Variants in SLC27A5 observed in about 807,000 individuals in gnomAD.
SLC27A5 encodes solute carrier family 27 member 5.
A neutral mutation model predicts 63.1 loss-of-function variants in SLC27A5; 47 were observed. That is an observed-to-expected ratio of 0.74 (90% confidence interval 0.59 to 0.95). SLC27A5 has a LOEUF of 0.95. SLC27A5 is among the 40% of genes least tolerant of loss of function. The pLI is 0.00. For missense variants in SLC27A5, 940 were observed against 921.0 expected (o/e 1.02, Z -0.27); for synonymous variants, 391 against 403.8 (o/e 0.97, Z 0.38).
rs993447082 is a variant in SLC27A5 at position 58,511,310 on chromosome 19, A to T, written c.646T>A (p.Ser216Thr). 2 of 1,584,324 alleles carry T rather than the reference A, an allele frequency of 1.3e-6. No homozygotes were observed. Among genetic ancestry groups the T allele is most frequent in the Non-Finnish European group, 1.7e-6 (2 of 1,160,438 alleles). Residue 216 changes from serine (S) to threonine (T), a missense_variant, in exon 1 of 10, where the codon TCT becomes ACT. By Grantham distance (58) the Ser-to-Thr change is moderately conservative. Transcript: ENST00000263093. ...PHGRGMPLAH[S>T]VLSSGARVLV... ...ACCCGGGCCCCAGAGCTCAGCACAGAGTGCGCCAGGGGCATCCCCCGGCCA... is the reference window on the plus strand; with the variant it reads ...ACCCGGGCCCCAGAGCTCAGCACAGTGTGCGCCAGGGGCATCCCCCGGCCA...
chr19:58,500,543 C>T lies in SLC27A5; in HGVS notation c.1346G>A (p.Gly449Glu), dbSNP rs755049248. The T allele has an allele frequency of 1.2e-6, 2 of 1,614,084 alleles. No individual in the cohort carries two copies. The highest frequency in any genetic ancestry group is 2.2e-5 in the South Asian group (2 of 91,086). The change falls in exon 5 of 10, where the codon GGG becomes GAG. Residue 449 changes from glycine to glutamate, a missense_variant. By Grantham distance (98) the Gly-to-Glu change is moderately conservative. Transcript: ENST00000263093. ...MGLVNYVGRC[G>E]ALGKMSCLLR... Reference sequence around the variant, plus strand: ...GAGGCAGCTCATCTTGCCCAGGGCCCCGCAGCGCCCCACATAGTTGACTAA... The same window carrying T: ...GAGGCAGCTCATCTTGCCCAGGGCCTCGCAGCGCCCCACATAGTTGACTAA...
In SLC27A5 at chr19:58,499,673, G is replaced by C. The variant is rs2053251641; in HGVS notation, c.1486C>G (p.Leu496Val). 2.5e-6 allele frequency: 4 copies of C among 1,611,892 alleles called. No homozygotes were observed. Among genetic ancestry groups the C allele is most frequent in the Non-Finnish European group, 3.4e-6 (4 of 1,179,988 alleles). Reference sequence around the variant, plus strand: ...GGTTGCTGGCTTACCACCTTGGTCAGCAGCAGCCCCGGCTCCCCTGGGGTA... The same window carrying C: ...GGTTGCTGGCTTACCACCTTGGTCACCAGCAGCCCCGGCTCCCCTGGGGTA... ...PVGLGEPGLLLTKVVSQQPFV... is the reference protein window; with the variant it reads ...PVGLGEPGLLVTKVVSQQPFV... The change falls in exon 7 of 10, where the codon CTG becomes GTG. Residue 496 changes from leucine to valine, a missense_variant. Transcript: ENST00000263093.
chr19:58,500,765 C>T lies in SLC27A5; in HGVS notation c.1183-59G>A, dbSNP rs192439507. 1.5e-5 allele frequency: 23 copies of T among 1,583,626 alleles called. No individual in the cohort carries two copies. The East Asian group carries it at 5.0e-4, about 34-fold the overall frequency. On this transcript the variant is annotated intron_variant, in intron 4 of 9. Coordinates refer to ENST00000263093, the MANE Select transcript of SLC27A5 (RefSeq NM_012254.3). Reference sequence around the variant, plus strand: ...GTGCTCTTGGGGCATGCCTTGGAACCTTTACCTAGAGGGGGTGTTATCCTG... The same window carrying T: ...GTGCTCTTGGGGCATGCCTTGGAACTTTTACCTAGAGGGGGTGTTATCCTG...
At chr19:58,503,896 T>G (rs2053312406) in intron 3 of SLC27A5, among the ~76,000 whole-genome samples, 1 of 152,184 alleles carries the variant, frequency 6.6e-6, no homozygotes, top group Non-Finnish European at 1.5e-5. Context: ...TCAGATCACT[T>G]GAGGCCAGAA....
intron 3 of SLC27A5, among the ~76,000 whole-genome samples, chr19:58,506,150 C>T (rs560057996): frequency 6.6e-6 from 1 of 151,698 alleles, no homozygotes; most frequent in Admixed American, 6.6e-5. Flanking sequence ...TGGTGTTGAA[C>T]TCCTGGGCTC....
Position 58,501,421 on chromosome 19 carries a change from A to G in SLC27A5, c.1058-11T>C. 1 of 1,612,156 alleles carries G rather than the reference A, an allele frequency of 6.2e-7. No homozygotes were observed. Among genetic ancestry groups the G allele is most frequent in the Non-Finnish European group, 8.5e-7 (1 of 1,178,920 alleles). ...GAACACAGGTGGCTCCTGGGAGATGACAGGAGAGGGGGTTTCAGGTCATGC... is the reference window on the plus strand; with the variant it reads ...GAACACAGGTGGCTCCTGGGAGATGGCAGGAGAGGGGGTTTCAGGTCATGC... On this transcript the variant is annotated splice_polypyrimidine_tract_variant and intron_variant, in intron 3 of 9. Coordinates refer to ENST00000263093, the MANE Select transcript of SLC27A5 (RefSeq NM_012254.3).
At chr19:58,501,520 A>C (rs917005935) in intron 3 of SLC27A5, 110 bp from the exon 4 acceptor site, 36 of 1,218,922 alleles carry the variant, frequency 3.0e-5, no homozygotes, top group Non-Finnish European at 4.0e-5. Context: ...ACAGGACAAT[A>C]CTGAGTTCAT....
At chr19:58,502,498 GTTAC>G (rs61220977) in intron 3 of SLC27A5, among the ~76,000 whole-genome samples, 9 of 46,766 alleles carry the variant, frequency 1.9e-4, no homozygotes, top group South Asian at 8.9e-4. Context: ...TGGGTGAACA[GTTAC>G]AGTAGTGAGT....
chr19:58,498,818 A>AG lies in SLC27A5; in HGVS notation c.1862dup (p.Ala622CysfsTer30). On this transcript the variant is annotated frameshift_variant, in exon 9 of 10. Coordinates refer to ENST00000263093, the MANE Select transcript of SLC27A5 (RefSeq NM_012254.3). LOFTEE classifies it low-confidence loss of function (END_TRUNC). Reference sequence around the variant, plus strand: ...GGATGAAATGGGGGGTAGCGTAGGCAGGGAGCCAAGCGCGAACGTGCTGGT... The same window carrying AG: ...GGATGAAATGGGGGGTAGCGTAGGCAGGGGAGCCAAGCGCGAACGTGCTGGT... The AG allele has an allele frequency of 6.2e-7, 1 of 1,614,042 alleles. No homozygotes were observed. Among genetic ancestry groups the AG allele is most frequent in the East Asian group, 2.2e-5 (1 of 44,878 alleles).
chr19:58,501,849 C>T (rs2053277130), intron 3 of SLC27A5, among the ~76,000 whole-genome samples: 1 of 151,984 alleles, frequency 6.6e-6, no homozygotes, highest in Non-Finnish European at 1.5e-5. Context: ...AATTTTTGTA[C>T]TTTTTTAAGT....
In SLC27A5 at chr19:58,511,837, G is replaced by T; in HGVS notation, c.119C>A (p.Pro40His). The T allele has an allele frequency of 6.4e-7, 1 of 1,558,904 alleles. No individual in the cohort carries two copies. Among genetic ancestry groups the T allele is most frequent in the Non-Finnish European group, 8.7e-7 (1 of 1,151,878 alleles). ...CAGCCCAAGTAGCACGCAACATGTG[G>T]GATCCCCCAGGAGCCAGCGCAGGGT... ...ALTLRWLLGD[P>H]TCCVLLGLAM... The change falls in exon 1 of 10, where the codon CCC (proline) becomes CAC (histidine). Residue 40 changes from proline (P) to histidine (H), a missense_variant. Coordinates refer to ENST00000263093, the MANE Select transcript of SLC27A5 (RefSeq NM_012254.3).
intron 3 of SLC27A5, among the ~76,000 whole-genome samples, chr19:58,505,947 T>TC (rs1266941847): frequency 6.7e-6 from 1 of 150,164 alleles, no homozygotes; most frequent in Non-Finnish European, 1.5e-5. Context: ...GGTCAGGAGT[T>TC]CGAGACCAGC....
intron 3 of SLC27A5, among the ~76,000 whole-genome samples, chr19:58,505,579 C>T (rs980908096): frequency 6.6e-6 from 1 of 151,662 alleles, no homozygotes; most frequent in African/African-American, 2.4e-5. Context: ...CGCAGTGGCT[C>T]ACGCCTGTAA....
At chr19:58,511,012 G>A (rs2053404786) in intron 1 of SLC27A5, 82 bp from the exon 2 acceptor site, 2 of 1,166,760 alleles carry the variant, frequency 1.7e-6, no homozygotes. Context: ...CACAGATGCA[G>A]GCAGAGGAGC....
At chr19:58,500,934 C>T (rs918514068) in intron 4 of SLC27A5, 28 of 1,382,520 alleles carry the variant, frequency 2.0e-5, no homozygotes, top group African/African-American at 1.0e-4. Context: ...GCCTGGGGGA[C>T]GTTACCAGAG....
chr19:58,506,142 G>C (rs1182458297), intron 3 of SLC27A5, among the ~76,000 whole-genome samples: 2 of 151,820 alleles, frequency 1.3e-5, no homozygotes, highest in African/African-American at 4.8e-5. Context: ...GCCCAGGCTG[G>C]TGTTGAACTC....
intron 3 of SLC27A5, among the ~76,000 whole-genome samples, chr19:58,507,138 C>T (rs1213298681): frequency 2.6e-5 from 4 of 151,894 alleles, no homozygotes; most frequent in East Asian, 3.9e-4. Context: ...GTGGGTGGAT[C>T]ATGAGGTCAG....
In SLC27A5 at chr19:58,500,503, C is replaced by T; in HGVS notation, c.1377+9G>A. 6.2e-7 allele frequency: 1 copy of T among 1,613,924 alleles called. No homozygotes were observed. Among genetic ancestry groups the T allele is most frequent in the Middle Eastern group, 1.7e-4 (1 of 6,060 alleles). ...AGGGCAGCTGCACACCAGGTACCCG[C>T]ACACTCACTCGGAGGAGGCAGCTCA... On this transcript the variant is annotated intron_variant, in intron 5 of 9. Transcript: ENST00000263093.
At chr19:58,510,654 G>A in intron 2 of SLC27A5, 67 bp downstream of exon 2, 1 of 1,355,858 alleles carries the variant, frequency 7.4e-7, no homozygotes, top group Non-Finnish European at 1.0e-6. Context: ...TGAGTCACAA[G>A]TCAAGTGTGG....
Sources: gnomAD v4.1 joint callset for allele counts (sites outside exome capture counted in the v4.1 genomes callset) on GRCh38, gnomAD v4.1.1 for gene constraint, MANE v1.5 for transcripts, NCBI Gene and HGNC (gene_info 2026-07-23, HGNC 2026-07-21) for gene names.